The following MLYCD variants were observed in gnomAD, a reference collection of about 807,000 sequenced individuals.
MLYCD encodes malonyl-CoA decarboxylase, mitochondrial.
MLYCD carries 27 observed loss-of-function variants against 35.8 expected under a neutral mutation model. That is an observed-to-expected ratio of 0.75 (90% confidence interval 0.56 to 1.04). The LOEUF is 1.04. MLYCD is among the 50% of genes least tolerant of loss of function. The probability of loss-of-function intolerance (pLI) is 0.00; values close to 1 mark genes in which losing one functional copy is unlikely to be tolerated. For missense variants in MLYCD, 917 were observed against 665.1 expected, an observed-to-expected ratio of 1.38 and a Z score of -4.17; for synonymous variants, 403 against 302.4, an observed-to-expected ratio of 1.33 and a Z score of -3.45.
chr16:83,905,746 C>A (rs1236355016), intron 1 of MLYCD, among the ~76,000 whole-genome samples: 1 of 152,224 alleles, frequency 6.6e-6, no homozygotes, highest in Non-Finnish European at 1.5e-5. Context: ...CACATGGCTG[C>A]CCCCAGCCGC....
chr16:83,903,681 G>C (rs568941663), intron 1 of MLYCD, among the ~76,000 whole-genome samples: 20 of 152,266 alleles, frequency 1.3e-4, no homozygotes, highest in Non-Finnish European at 2.6e-4. Context: ...GCAGTGGCAC[G>C]CACCTGTAGT....
At chr16:83,914,624 A>G (rs2151059791) in intron 4 of MLYCD, 1 of 380,812 alleles carries the variant, frequency 2.6e-6, no homozygotes, top group South Asian at 2.2e-5. Flanking sequence ...TTCCTGATAA[A>G]TATTTCCTGC....
intron 2 of MLYCD, among the ~76,000 whole-genome samples, chr16:83,907,736 T>C (rs1907032216): frequency 6.6e-6 from 1 of 152,140 alleles, no homozygotes; most frequent in African/African-American, 2.4e-5. Context: ...TGGGGCGAGA[T>C]TGCTGGAAGA....
rs977076093 is a variant in MLYCD at position 83,912,460 on chromosome 16, G to C, written c.948+93G>C. 7 of 1,544,116 alleles carry C rather than the reference G, an allele frequency of 4.5e-6. No individual in the cohort carries two copies. The African/African-American group carries it at 8.2e-5, about 18-fold the overall frequency. On this transcript the variant is annotated intron_variant, in intron 4 of 4. Coordinates refer to ENST00000262430, the MANE Select transcript of MLYCD (RefSeq NM_012213.3). The stretch of plus-strand genomic sequence containing the variant: ...GGTGTCAGGTGCCATGAGGGACACA[G>C]ATGAAGACAGGAGCTAAAGGGAGGG...
In MLYCD at chr16:83,915,210, G is replaced by A. The variant is rs200341673; in HGVS notation, c.1203G>A (p.Leu401=). Residue 401 remains leucine (L), a synonymous_variant, in exon 5 of 5, where the codon CTG becomes CTA. Transcript: ENST00000262430. ...CGCTGCAGACTCCGCTGATGAGGCT[G>A]TGCGCCTGGTACCTGTATGGAGAGA... The part of the protein sequence containing the change: ...VRALQTPLMR[L]CAWYLYGEKH... 8.4e-4 allele frequency: 1,349 copies of A among 1,614,040 alleles called. 19 individuals are homozygous for A. The South Asian group carries it at 0.011, about 13-fold the overall frequency.
At position 83,919,997 on chromosome 16, in the gene MLYCD, C is replaced by G. The variant is rs1377212644; in HGVS notation, c.*4508C>G. On this transcript the variant is annotated 3_prime_UTR_variant, in exon 5 of 5. Transcript: ENST00000262430. ...CAGAACACACGCAGTGCACAGGACA[C>G]AACAGAACACACGTGCACAGGAGAA... is the stretch of plus-strand genomic sequence containing the variant. 1 of 139,530 alleles carries G rather than the reference C, an allele frequency of 7.2e-6. No homozygotes were observed. Among genetic ancestry groups the G allele is most frequent in the Non-Finnish European group, 1.5e-5 (1 of 67,810 alleles). 8.6% of individuals were successfully genotyped at this position (139,530 alleles called of 1,614,324 possible).
Position 83,925,622 on chromosome 16 carries a change from C to T in MLYCD, c.*10133C>T, listed in dbSNP as rs1443950440. ...CCTCCCTGTCACACACAGCCCCCTC[C>T]GTGGCCTCTCAAGCCTGCTGTGGCC... On this transcript the variant is annotated 3_prime_UTR_variant, in exon 5 of 5. Transcript: ENST00000262430. 3.9e-5 allele frequency: 6 copies of T among 152,322 alleles called. No individual in the cohort carries two copies. Among genetic ancestry groups the T allele is most frequent in the Non-Finnish European group, 5.9e-5 (4 of 68,256 alleles). 9.4% of individuals were successfully genotyped at this position (152,322 alleles called of 1,614,324 possible).
In MLYCD at chr16:83,926,373, A is replaced by T. The variant is rs1907807811; in HGVS notation, c.*10884A>T. On this transcript the variant is annotated 3_prime_UTR_variant, in exon 5 of 5. Coordinates refer to ENST00000262430, the MANE Select transcript of MLYCD (RefSeq NM_012213.3). Reference sequence around the variant, plus strand: ...CCCTGTCCCCGTTTGACGGGTGACGACACTGAGGCCCAGAGAGCTGAAGGG... The same window carrying T: ...CCCTGTCCCCGTTTGACGGGTGACGTCACTGAGGCCCAGAGAGCTGAAGGG... 6.6e-6 allele frequency: 1 copy of T among 152,564 alleles called. No individual in the cohort carries two copies. Among genetic ancestry groups the T allele is most frequent in the African/African-American group, 2.4e-5 (1 of 41,482 alleles). 9.5% of individuals were successfully genotyped at this position (152,564 alleles called of 1,614,324 possible). A position where few individuals can be genotyped will look rare whatever the true frequency, so the allele number is the denominator to read the frequency against.
intron 4 of MLYCD, chr16:83,912,879 G>C (rs1187909927): frequency 5.0e-6 from 1 of 199,410 alleles, no homozygotes; most frequent in Non-Finnish European, 1.0e-5. Context: ...GAAGGTAAAT[G>C]CATCGGCTTT....
chr16:83,908,405 G>T (rs1907058698), intron 3 of MLYCD, 123 bp downstream of exon 3: 1 of 1,273,668 alleles, frequency 7.9e-7, no homozygotes, highest in Non-Finnish European at 1.1e-6. Context: ...AATGGTTTTG[G>T]GCTTTTTTAA....
At position 83,912,337 on chromosome 16, in the gene MLYCD, C is replaced by G; in HGVS notation, c.918C>G (p.Phe306Leu). ...QGLQGVELGTFLIKRVVKELQ... is the reference protein window; with the variant it reads ...QGLQGVELGTLLIKRVVKELQ... ...TCCAAGGGGTGGAGCTGGGAACATT[C>G]CTCATAAAGCGAGTCGTCAAGGAGT... Residue 306 changes from phenylalanine to leucine, a missense_variant, in exon 4 of 5, where the codon TTC becomes TTG. Physicochemically the swap from Phe to Leu is conservative, Grantham distance 22. Coordinates refer to ENST00000262430, the MANE Select transcript of MLYCD (RefSeq NM_012213.3). The G allele has an allele frequency of 1.2e-6, 2 of 1,614,200 alleles. No individual in the cohort carries two copies. Among genetic ancestry groups the G allele is most frequent in the Non-Finnish European group, 1.7e-6 (2 of 1,180,044 alleles).
intron 1 of MLYCD, among the ~76,000 whole-genome samples, chr16:83,903,885 T>G (rs1251469068): frequency 6.6e-6 from 1 of 152,190 alleles, no homozygotes; most frequent in Non-Finnish European, 1.5e-5. Context: ...AAATGGTGCC[T>G]GAATTAACGC....
chr16:83,915,749 T>C lies in MLYCD; in HGVS notation c.*260T>C. On this transcript the variant is annotated 3_prime_UTR_variant, in exon 5 of 5. Transcript: ENST00000262430. ...GTGCTGTCTCCGGAAGATTCTGTCG[T>C]TGCCCTTGGCCTGGCTCCCTGCCCG... The C allele has an allele frequency of 7.4e-7, 1 of 1,357,534 alleles. No homozygotes were observed. The highest frequency in any genetic ancestry group is 9.5e-7 in the Non-Finnish European group (1 of 1,049,422). 84.1% of individuals were successfully genotyped at this position (1,357,534 alleles called of 1,614,324 possible).
chr16:83,907,229 AAC>A (rs1345466799), intron 2 of MLYCD, 130 bp downstream of exon 2: 4 of 852,492 alleles, frequency 4.7e-6, no homozygotes, highest in Admixed American at 4.5e-5. Flanking sequence ...ATAAAATCCA[AAC>A]ACAGTATTTG....
intron 1 of MLYCD, among the ~76,000 whole-genome samples, chr16:83,906,524 T>A (rs1906980881): frequency 6.6e-6 from 1 of 152,326 alleles, no homozygotes; most frequent in Non-Finnish European, 1.5e-5. Flanking sequence ...CAAGTACTTG[T>A]CTTTCTTAGG....
intron 3 of MLYCD, among the ~76,000 whole-genome samples, chr16:83,909,620 G>GT (rs1281867257): frequency 0.018 from 2,391 of 130,734 alleles, 30 homozygotes; most frequent in South Asian, 0.047. Flanking sequence ...GTGGTGTTGT[G>GT]TTTTTTTTTT....
Position 83,915,651 on chromosome 16 carries a change from C to T in MLYCD, c.*162C>T. ...ACTGTGAGGCCAGGCCTCAACTTCC[C>T]TCACCCTGGGCGTGACATGCACCCA... is the stretch of plus-strand genomic sequence containing the variant. On this transcript the variant is annotated 3_prime_UTR_variant, in exon 5 of 5. Coordinates refer to ENST00000262430, the MANE Select transcript of MLYCD (RefSeq NM_012213.3). The T allele has an allele frequency of 6.6e-7, 1 of 1,508,748 alleles. No homozygotes were observed. Among genetic ancestry groups the T allele is most frequent in the Non-Finnish European group, 8.8e-7 (1 of 1,132,144 alleles). 93.5% of individuals were successfully genotyped at this position (1,508,748 alleles called of 1,614,324 possible). A position where few individuals can be genotyped will look rare whatever the true frequency, so the allele number is the denominator to read the frequency against.
chr16:83,914,930 C>G (rs769409420), intron 4 of MLYCD, 26 bp from the exon 5 acceptor site: 12 of 1,614,176 alleles, frequency 7.4e-6, no homozygotes, highest in Non-Finnish European at 1.0e-5. Context: ...CTCCGCCTTC[C>G]TTTCCACCCC....
intron 1 of MLYCD, among the ~76,000 whole-genome samples, chr16:83,900,036 G>C (rs1006432715): frequency 1.3e-5 from 2 of 152,206 alleles, no homozygotes; most frequent in African/African-American, 4.8e-5. Flanking sequence ...TGGTATACCT[G>C]AACTAGAGCA....
Sources: allele counts gnomAD v4.1 joint callset (sites outside exome capture counted in the v4.1 genomes callset), GRCh38; gene constraint gnomAD v4.1.1; transcripts MANE v1.5; gene names NCBI Gene and HGNC (gene_info 2026-07-23, HGNC 2026-07-21).